CEP63: variants seen among roughly 807,000 people sequenced by gnomAD.
The protein encoded by CEP63 is centrosomal protein 63, also known as centrosomal protein of 63 kDa.
In CEP63, 84 loss-of-function variants were observed where a neutral mutation model predicts 89.1. The observed-to-expected ratio is 0.94, with a 90% CI of 0.79 to 1.13. The LOEUF (loss-of-function observed/expected upper bound fraction) is 1.13. Ranked by LOEUF, CEP63 falls within the 50% of genes most tolerant of loss-of-function variation. CEP63 has a pLI of 0.00. For missense variants in CEP63, 838 were observed against 813.3 expected (o/e 1.03, Z -0.37); for synonymous variants, 267 against 272.5 (o/e 0.98, Z 0.20).
At chr3:134,664,516 T>C in the CEP63 span, among the ~76,000 whole-genome samples, 1 of 152,334 alleles carries the variant, frequency 6.6e-6, no homozygotes, top group East Asian at 1.9e-4. Context: ...TCTGTGCATG[T>C]ACCTCACTCT....
chr3:134,777,262 C>T, the CEP63 span, among the ~76,000 whole-genome samples: 3 of 152,174 alleles, frequency 2.0e-5, no homozygotes, highest in Non-Finnish European at 4.4e-5. Context: ...GTGTTTTGAT[C>T]TGGACTATAT....
At chr3:134,719,163 CTT>C in the CEP63 span, among the ~76,000 whole-genome samples, 522 of 148,122 alleles carry the variant, frequency 3.5e-3, 5 homozygotes, top group African/African-American at 0.012. Context: ...AATGCAGCAT[CTT>C]TTTTTTTTTC....
chr3:134,776,840 C>A, the CEP63 span, among the ~76,000 whole-genome samples: 2 of 152,178 alleles, frequency 1.3e-5, no homozygotes, highest in South Asian at 4.1e-4. Flanking sequence ...GCTAGAGGAA[C>A]TTTCAGACCA....
intron 6 of CEP63, among the ~76,000 whole-genome samples, chr3:134,540,999 C>G (rs912174870): frequency 6.6e-6 from 1 of 152,072 alleles, no homozygotes; most frequent in African/African-American, 2.4e-5. Flanking sequence ...CCATGTTGGT[C>G]TTGAACTCCA....
At chr3:134,587,707 C>G (rs573848100) in exon 11 of CEP63, among the ~76,000 whole-genome samples, 56 of 152,202 alleles carry the variant, frequency 3.7e-4, no homozygotes, top group African/African-American at 1.3e-3. Context: ...AAACACCATG[C>G]TGGGAGAACC....
chr3:134,589,881 A>G (rs1958564338), downstream of CEP63, among the ~76,000 whole-genome samples: 1 of 152,234 alleles, frequency 6.6e-6, no homozygotes. Context: ...AATAAAGAAA[A>G]TGTGGTACAT....
intron 6 of CEP63, among the ~76,000 whole-genome samples, chr3:134,545,304 T>A (rs1379929173): frequency 1.3e-5 from 2 of 151,944 alleles, no homozygotes; most frequent in Non-Finnish European, 2.9e-5. Context: ...CCAATTTTTG[T>A]ATTTTTTATA....
At chr3:134,552,585 C>G (rs1288858021) in intron 12 of CEP63, 2 of 152,476 alleles carry the variant, frequency 1.3e-5, no homozygotes, top group African/African-American at 2.4e-5. Flanking sequence ...ATATGAAGGA[C>G]TTAGCATATA....
chr3:134,764,968 AG>A, the CEP63 span, among the ~76,000 whole-genome samples: 1 of 152,276 alleles, frequency 6.6e-6, no homozygotes, highest in African/African-American at 2.4e-5. Context: ...CACTCCTTTG[AG>A]GTCTCATTAT....
chr3:134,729,445 T>C, the CEP63 span, among the ~76,000 whole-genome samples: 1 of 152,246 alleles, frequency 6.6e-6, no homozygotes, highest in Non-Finnish European at 1.5e-5. Context: ...TTTTAATGCC[T>C]GCATAGCATT....
At chr3:134,577,299 C>G (rs1023387662), downstream of CEP63, among the ~76,000 whole-genome samples, 1 of 151,894 alleles carries the variant, frequency 6.6e-6, no homozygotes, top group Non-Finnish European at 1.5e-5. Flanking sequence ...GGCAAAGCTT[C>G]TTTTTAAAAA....
At chr3:134,516,543 A>G (rs919550507) in intron 3 of CEP63, among the ~76,000 whole-genome samples, 1 of 152,192 alleles carries the variant, frequency 6.6e-6, no homozygotes, top group Admixed American at 6.5e-5. Context: ...ATTTCAGACT[A>G]TCACATGGGG....
Position 134,559,196 on chromosome 3 carries a change from T to A in CEP63, c.1720T>A (p.Tyr574Asn), listed in dbSNP as rs935503783. 6.2e-7 allele frequency: 1 copy of A among 1,614,030 alleles called. No individual in the cohort carries two copies. The highest frequency in any genetic ancestry group is 1.3e-5 in the African/African-American group (1 of 74,926). Residue 574 changes from tyrosine (Y) to asparagine (N), a missense_variant, in exon 14 of 15, where the codon TAC becomes AAC. Physicochemically the swap from Tyr to Asn is moderately radical, Grantham distance 143. Transcript: ENST00000675561. ...ACATGATGGAATAAAGACTGAGCAC[T>A]ACAAAACAGATCTTCATTCTCCAAG... The part of the protein sequence containing the change: ...HRHDGIKTEH[Y>N]KTDLHSPRGQ...
At chr3:134,756,510 C>A in the CEP63 span, among the ~76,000 whole-genome samples, 4 of 152,162 alleles carry the variant, frequency 2.6e-5, no homozygotes, top group Non-Finnish European at 5.9e-5. Context: ...TGTGCCACCA[C>A]ACCTGGATAG....
rs755510154 is a variant in CEP63, at chr3:134,558,123, T to C, written c.1468-19T>C. ...TATTCTTGTACAGATTAAGTGACTCTAGTATTCTTTTTTATTAGGCAAAAG... is the reference window on the plus strand; with the variant it reads ...TATTCTTGTACAGATTAAGTGACTCCAGTATTCTTTTTTATTAGGCAAAAG... On this transcript the variant is annotated intron_variant, in intron 12 of 14. Coordinates refer to ENST00000675561, the MANE Select transcript of CEP63 (RefSeq NM_001353108.3). 1.3e-6 allele frequency: 2 copies of C among 1,583,110 alleles called. No individual in the cohort carries two copies. Among genetic ancestry groups the C allele is most frequent in the Admixed American group, 3.3e-5 (2 of 59,998 alleles).
At chr3:134,485,903 G>T, upstream of CEP63, 1 of 781,978 alleles carries the variant, frequency 1.3e-6, no homozygotes, top group Middle Eastern at 6.6e-4. Context: ...AGCAACGAAC[G>T]CATTCCCGCG....
the CEP63 span, among the ~76,000 whole-genome samples, chr3:134,657,421 G>A: frequency 1.3e-5 from 2 of 152,108 alleles, no homozygotes; most frequent in Non-Finnish European, 2.9e-5. Flanking sequence ...TATTTAAAAA[G>A]TATAATTGGT....
At chr3:134,619,327 C>T in the CEP63 span, 4 of 1,250,154 alleles carry the variant, frequency 3.2e-6, no homozygotes, top group South Asian at 4.8e-5. Flanking sequence ...GACTCCACCC[C>T]AACCCCCAGC....
chr3:134,508,971 C>CT (rs34900338), intron 3 of CEP63, among the ~76,000 whole-genome samples: 94,175 of 142,276 alleles, frequency 0.66, 30,823 homozygotes, highest in East Asian at 0.81. Context: ...TTCTTTCTTG[C>CT]TTTTTTTTTT....
Sources: gnomAD v4.1 joint callset for allele counts (sites outside exome capture counted in the v4.1 genomes callset) on GRCh38, gnomAD v4.1.1 for gene constraint, MANE v1.5 for transcripts, NCBI Gene and HGNC (gene_info 2026-07-23, HGNC 2026-07-21) for gene names.